MYH9: variants seen among roughly 807,000 people sequenced by gnomAD.
The protein encoded by MYH9 is myosin heavy chain 9, also known as myosin-9.
MYH9 carries 29 observed loss-of-function variants against 241.9 expected under a neutral mutation model. That is an observed-to-expected ratio of 0.12 (90% confidence interval 0.09 to 0.16). The LOEUF is 0.16. Among genes scored for constraint, MYH9 ranks in the 10% least tolerant of loss-of-function variants. MYH9 has a pLI of 1.00. For missense variants in MYH9, 1,803 were observed against 2,595.5 expected (o/e 0.69, Z 6.63); for synonymous variants, 1,047 against 1,062.6 (o/e 0.99, Z 0.29).
chr22:36,298,525 A>T (rs2016823737), intron 24 of MYH9, among the ~76,000 whole-genome samples: 1 of 152,236 alleles, frequency 6.6e-6, no homozygotes, highest in Admixed American at 6.5e-5. Context: ...CATGGAGCTT[A>T]AGTCATAGCT....
At chr22:36,344,760 A>G (rs1426465786) in intron 2 of MYH9, among the ~76,000 whole-genome samples, 1 of 152,156 alleles carries the variant, frequency 6.6e-6, no homozygotes, top group Non-Finnish European at 1.5e-5. Flanking sequence ...AGACGCAGCC[A>G]CTAACACTGA....
rs2016485606 is a variant in MYH9 at position 36,281,383 on chromosome 22, T to TA, written c.*1284dup. ...CACATGCTAAGGCACTTTTATTATA[T>TA]AAAAAAGGGGGTAGGGTGGGAGTTT... On this transcript the variant is annotated 3_prime_UTR_variant, in exon 41 of 41. Transcript: ENST00000216181. 8.9e-6 allele frequency: 2 copies of TA among 224,788 alleles called. No homozygotes were observed. Among genetic ancestry groups the TA allele is most frequent in the Non-Finnish European group, 8.9e-6 (1 of 112,578 alleles). The allele number at this position is 224,788 out of a possible 1,614,324, so 13.9% of individuals were successfully genotyped here. A position where few individuals can be genotyped will look rare whatever the true frequency, so the allele number is the denominator to read the frequency against.
rs201405521 is a variant in MYH9 at position 36,288,915 on chromosome 22, G to A, written c.4582C>T (p.Arg1528Trp). The change falls in exon 33 of 41, where the codon CGG (arginine) becomes TGG (tryptophan). Residue 1528 changes from arginine (R) to tryptophan (W), a missense_variant. By Grantham distance (101) the Arg-to-Trp change is moderately radical. This residue lies in a region of MYH9 where 876 missense variants were observed against 1,077.8 expected (regional missense o/e 0.81). Transcript: ENST00000216181. The surrounding 1 kb of genome is among the most constrained non-coding windows in gnomAD (Gnocchi z 4.8). ...TCCTCCACCTGCTGCTCTAGGGCCC[G>A]CTTGGACTTCTCCAGCTCGTGGACC... is the stretch of plus-strand genomic sequence containing the variant. The part of the protein sequence containing the change: ...KSVHELEKSK[R>W]ALEQQVEEMK... 3.3e-5 allele frequency: 53 copies of A among 1,613,956 alleles called. No homozygotes were observed. Among genetic ancestry groups the A allele is most frequent in the Middle Eastern group, 3.3e-4 (2 of 6,062 alleles).
At chr22:36,321,043 C>A in intron 7 of MYH9, 147 bp from the exon 8 acceptor site, 1 of 639,762 alleles carries the variant, frequency 1.6e-6, no homozygotes, top group Middle Eastern at 4.3e-4. Context: ...GCCTCCACCT[C>A]CTGGATTCAA....
intron 1 of MYH9, among the ~76,000 whole-genome samples, chr22:36,361,164 G>GC (rs373739316): frequency 2.0e-5 from 3 of 152,174 alleles, no homozygotes; most frequent in African/African-American, 7.2e-5. Context: ...CTGCGGGTGG[G>GC]CCCCCCTTCC....
At position 36,293,989 on chromosome 22, in the gene MYH9, T is replaced by A. The variant is rs577708199; in HGVS notation, c.3837+103A>T. Reference sequence around the variant, plus strand: ...AACCATGAGGGTCTGAGGAGCCAGTTTGAGAAGAGAGAGAGACAGAGAGCA... The same window carrying A: ...AACCATGAGGGTCTGAGGAGCCAGTATGAGAAGAGAGAGAGACAGAGAGCA... On this transcript the variant is annotated intron_variant, in intron 28 of 40. Coordinates refer to ENST00000216181, the MANE Select transcript of MYH9 (RefSeq NM_002473.6). The surrounding 1 kb of genome is among the most constrained non-coding windows in gnomAD (Gnocchi z 5.1). 5.4e-6 allele frequency: 8 copies of A among 1,488,558 alleles called. No homozygotes were observed. The African/African-American group carries it at 8.3e-5, about 15-fold the overall frequency. The allele number at this position is 1,488,558 out of a possible 1,614,324, so 92.2% of individuals were successfully genotyped here. A position where few individuals can be genotyped will look rare whatever the true frequency, so the allele number is the denominator to read the frequency against.
intron 11 of MYH9, among the ~76,000 whole-genome samples, chr22:36,317,486 T>C (rs9610489): frequency 0.23 from 35,107 of 152,140 alleles, 4,896 homozygotes; most frequent in East Asian, 0.71. Flanking sequence ...CGCGATGTCT[T>C]TTGAAAACAA....
Position 36,296,964 on chromosome 22 carries a change from G to A in MYH9, c.3151C>T (p.Arg1051Trp), listed in dbSNP as rs1319309604. 4 of 1,614,162 alleles carry A rather than the reference G, an allele frequency of 2.5e-6. No homozygotes were observed. Among genetic ancestry groups the A allele is most frequent in the Non-Finnish European group, 1.7e-6 (2 of 1,180,030 alleles). ...KQRQELEKTR[R>W]KLEGDSTDLS... ...TCTGTGGAGTCTCCCTCCAGCTTCCGGCGGGTCTTCTCCAGCTCCTGTCGC... is the reference window on the plus strand; with the variant it reads ...TCTGTGGAGTCTCCCTCCAGCTTCCAGCGGGTCTTCTCCAGCTCCTGTCGC... Residue 1051 changes from arginine to tryptophan, a missense_variant, in exon 25 of 41, where the codon CGG (arginine) becomes TGG (tryptophan). Coordinates refer to ENST00000216181, the MANE Select transcript of MYH9 (RefSeq NM_002473.6).
chr22:36,288,329 G>A lies in MYH9; in HGVS notation c.4855C>T (p.Leu1619=), dbSNP rs778679056. ...VAARKKLEMD[L]KDLEAHIDSA... ...TCGATGTGCGCCTCCAGGTCCTTCA[G>A]GTCCATCTCCAGCTTCTTCCGGGCG... Residue 1619 remains leucine (L), a synonymous_variant, in exon 34 of 41, where the codon CTG becomes TTG. Transcript: ENST00000216181. The surrounding 1 kb of genome is among the most constrained non-coding windows in gnomAD (Gnocchi z 4.8). 8.7e-6 allele frequency: 14 copies of A among 1,614,120 alleles called. No homozygotes were observed. Among genetic ancestry groups the A allele is most frequent in the Non-Finnish European group, 1.2e-5 (14 of 1,180,030 alleles).
intron 1 of MYH9, among the ~76,000 whole-genome samples, chr22:36,379,487 T>C (rs1202289913): frequency 6.6e-6 from 1 of 152,132 alleles, no homozygotes; most frequent in Non-Finnish European, 1.5e-5. Context: ...CCAGCCTGGG[T>C]GACAGAGCGA....
chr22:36,360,440 A>G (rs136208), intron 1 of MYH9, among the ~76,000 whole-genome samples: 105,691 of 151,880 alleles, frequency 0.7, 38,345 homozygotes, highest in Non-Finnish European at 0.81. Context: ...TAGGCCGGGC[A>G]CAGTGGCTCA....
rs746956415 is a variant in MYH9, at chr22:36,294,247, C to G, written c.3682G>C (p.Glu1228Gln). The change falls in exon 28 of 41, where the codon GAG becomes CAG. Residue 1228 changes from glutamate (E) to glutamine (Q), a missense_variant. This residue lies in a region of MYH9 where 876 missense variants were observed against 1,077.8 expected (regional missense o/e 0.81). Transcript: ENST00000216181. Reference sequence around the variant, plus strand: ...AGCACCTTCACCTCGTTGGCCAGCTCCCCCCGCTCGTTCTCCAGAGTCTGC... The same window carrying G: ...AGCACCTTCACCTCGTTGGCCAGCTGCCCCCGCTCGTTCTCCAGAGTCTGC... ...AKQTLENERG[E>Q]LANEVKVLLQ... is the part of the protein sequence containing the mutation. 1 of 1,613,880 alleles carries G rather than the reference C, an allele frequency of 6.2e-7. No individual in the cohort carries two copies. The highest frequency in any genetic ancestry group is 1.3e-5 in the African/African-American group (1 of 74,934).
chr22:36,301,950 G>A (rs913659638), intron 20 of MYH9, among the ~76,000 whole-genome samples: 1 of 152,064 alleles, frequency 6.6e-6, no homozygotes, highest in African/African-American at 2.4e-5. Flanking sequence ...CTCTGAAAAA[G>A]TACCCAGATA....
At chr22:36,375,447 G>A (rs769202014) in intron 1 of MYH9, among the ~76,000 whole-genome samples, 4 of 152,190 alleles carry the variant, frequency 2.6e-5, no homozygotes, top group Admixed American at 6.5e-5. Context: ...ACTGCTGTAC[G>A]GGAGATCCCA....
chr22:36,375,858 AT>A (rs2018157807), intron 1 of MYH9, among the ~76,000 whole-genome samples: 2 of 151,438 alleles, frequency 1.3e-5, no homozygotes, highest in South Asian at 2.1e-4. Flanking sequence ...GCCCATTTCC[AT>A]TTTTTTAAAT....
intron 11 of MYH9, 112 bp from the exon 12 acceptor site, chr22:36,316,781 T>C: frequency 7.9e-7 from 1 of 1,262,890 alleles, no homozygotes; most frequent in Middle Eastern, 2.7e-4. Flanking sequence ...GGAACAGCCC[T>C]AAGTATGTGG....
At chr22:36,375,870 G>GT (rs999805229) in intron 1 of MYH9, among the ~76,000 whole-genome samples, 2 of 149,356 alleles carry the variant, frequency 1.3e-5, no homozygotes, top group African/African-American at 2.4e-5. Context: ...TTTTTTAAAT[G>GT]TAAGTTAAAA....
chr22:36,362,553 A>G (rs1447374594), intron 1 of MYH9, among the ~76,000 whole-genome samples: 1 of 152,088 alleles, frequency 6.6e-6, no homozygotes, highest in Non-Finnish European at 1.5e-5. Context: ...CAGTGGCACA[A>G]TCTTGGCTCA....
intron 2 of MYH9, 142 bp downstream of exon 2, chr22:36,348,762 T>C (rs2017718465): frequency 7.7e-6 from 6 of 781,190 alleles, no homozygotes; most frequent in East Asian, 2.7e-5. Context: ...AGTTCAAGGA[T>C]GTCACCCCAG....
Sources: allele counts gnomAD v4.1 joint callset (sites outside exome capture counted in the v4.1 genomes callset), GRCh38; gene constraint gnomAD v4.1.1; regional missense constraint gnomAD v4.1.1; non-coding constraint Gnocchi (gnomAD v3.1); transcripts MANE v1.5; gene names NCBI Gene and HGNC (gene_info 2026-07-23, HGNC 2026-07-21).